Variants in SPATA6 observed in about 807,000 individuals in gnomAD.
The protein encoded by SPATA6 is spermatogenesis associated 6.
Under a neutral mutation model 65.3 loss-of-function variants are expected in SPATA6, and 56 were observed. That is an observed-to-expected ratio of 0.86 (90% CI 0.69 to 1.07). The LOEUF (loss-of-function observed/expected upper bound fraction) is 1.07, where lower values mean the gene tolerates loss of function less well. Among genes scored for constraint, SPATA6 ranks in the 50% least tolerant of loss-of-function variants. The pLI is 0.00. For synonymous variants in SPATA6, 199 were observed against 213.2 expected (o/e 0.93, Z 0.58); for missense variants, 590 against 594.8 (o/e 0.99, Z 0.08).
the SPATA6 span, among the ~76,000 whole-genome samples, chr1:48,279,904 T>G: frequency 6.6e-6 from 1 of 152,116 alleles, no homozygotes; most frequent in South Asian, 2.1e-4. Context: ...ACACCACACC[T>G]ATTCCAAAAC....
chr1:48,298,944 G>GATAGTACTCAATAAATATTTGATTTAC, intron 12 of SPATA6, 51 bp from the exon 13 acceptor site: 1 of 1,551,886 alleles, frequency 6.4e-7, no homozygotes, highest in Non-Finnish European at 8.8e-7. Flanking sequence ...CAAAATTAGA[G>GATAGTACTCAATAAATATTTGATTTAC]ATAGTACTAT....
chr1:48,392,279 A>C (rs1410371230), intron 8 of SPATA6, among the ~76,000 whole-genome samples: 2 of 152,128 alleles, frequency 1.3e-5, no homozygotes, highest in African/African-American at 2.4e-5. Flanking sequence ...GTTTCCTCTA[A>C]GAGGAGAGAC....
At chr1:48,414,105 T>C (rs1570496114) in intron 3 of SPATA6, among the ~76,000 whole-genome samples, 3 of 152,158 alleles carry the variant, frequency 2.0e-5, no homozygotes, top group Admixed American at 6.5e-5. Flanking sequence ...TAGTGAAACT[T>C]TGTGTGGGTC....
chr1:48,393,957 C>T (rs544651098), intron 8 of SPATA6, among the ~76,000 whole-genome samples: 1 of 152,116 alleles, frequency 6.6e-6, no homozygotes, highest in East Asian at 1.9e-4. Context: ...ATATTAGGGG[C>T]TAGGGCTTCA....
the SPATA6 span, among the ~76,000 whole-genome samples, chr1:48,287,401 CTATAT>C: frequency 6.6e-6 from 1 of 152,190 alleles, no homozygotes; most frequent in African/African-American, 2.4e-5. Flanking sequence ...CACATCCAAA[CTATAT>C]TATGTTTTCA....
In SPATA6 at chr1:48,297,900, C is replaced by G. The variant is rs1016968078; in HGVS notation, c.*813G>C. The G allele has an allele frequency of 1.3e-5, 2 of 151,660 alleles. No homozygotes were observed. Among genetic ancestry groups the G allele is most frequent in the Non-Finnish European group, 2.9e-5 (2 of 67,972 alleles). 9.4% of individuals were successfully genotyped at this position (151,660 alleles called of 1,614,324 possible). A position where few individuals can be genotyped will look rare whatever the true frequency, so the allele number is the denominator to read the frequency against. ...GGGCCATATGGTACTTACACAAATT[C>G]CAAGCAGTCAAATTACAATATAATT... On this transcript the variant is annotated 3_prime_UTR_variant, in exon 13 of 13. Transcript: ENST00000371847.
At chr1:48,266,965 T>G in the SPATA6 span, among the ~76,000 whole-genome samples, 1 of 152,210 alleles carries the variant, frequency 6.6e-6, no homozygotes, top group Non-Finnish European at 1.5e-5. Flanking sequence ...AGTGATAGAT[T>G]CCTTTTCAAT....
intron 1 of SPATA6, among the ~76,000 whole-genome samples, chr1:48,467,355 A>G (rs1372317874): frequency 6.6e-6 from 1 of 152,174 alleles, no homozygotes; most frequent in Non-Finnish European, 1.5e-5. Flanking sequence ...ACAGGCAATC[A>G]AAGATAACAC....
chr1:48,332,178 C>G (rs958234495), intron 11 of SPATA6, among the ~76,000 whole-genome samples: 2 of 152,178 alleles, frequency 1.3e-5, no homozygotes, highest in Non-Finnish European at 2.9e-5. Context: ...ACAAACAAGT[C>G]TAGCATAACA....
intron 1 of SPATA6, among the ~76,000 whole-genome samples, chr1:48,466,346 T>C (rs1449018015): frequency 2.6e-5 from 4 of 152,058 alleles, no homozygotes; most frequent in Non-Finnish European, 4.4e-5. Flanking sequence ...AAAAAGCAGG[T>C]TGCAGAAGGA....
intron 11 of SPATA6, among the ~76,000 whole-genome samples, chr1:48,349,524 A>G (rs1288698804): frequency 2.0e-5 from 3 of 151,920 alleles, no homozygotes; most frequent in Non-Finnish European, 4.4e-5. Context: ...ATTTTCATAT[A>G]GTAAAGTTAA....
chr1:48,436,623 G>C lies in SPATA6; in HGVS notation c.238+14929C>G, dbSNP rs991056257. Reference sequence around the variant, plus strand: ...AGCATGGACAGAGGCATAGGGCTGTGTATGATTTCCCACAGTTCAGCACAT... The same window carrying C: ...AGCATGGACAGAGGCATAGGGCTGTCTATGATTTCCCACAGTTCAGCACAT... On this transcript the variant is annotated intron_variant, in intron 3 of 12. Coordinates refer to ENST00000371847, the MANE Select transcript of SPATA6 (RefSeq NM_019073.4). 3.2e-5 allele frequency: 51 copies of C among 1,613,952 alleles called. No individual in the cohort carries two copies. In the Middle Eastern group the frequency reaches 1.2e-3, roughly 37 times the overall value.
chr1:48,424,949 A>G (rs2148033125), intron 3 of SPATA6, among the ~76,000 whole-genome samples: 1 of 152,124 alleles, frequency 6.6e-6, no homozygotes, highest in African/African-American at 2.4e-5. Context: ...TTGTCTCTTC[A>G]CTTTGCTGTT....
chr1:48,281,383 G>A, the SPATA6 span, among the ~76,000 whole-genome samples: 3 of 152,072 alleles, frequency 2.0e-5, no homozygotes, highest in Admixed American at 6.5e-5. Flanking sequence ...AGGAAAAGAG[G>A]AAGTCAAATT....
intron 3 of SPATA6, among the ~76,000 whole-genome samples, chr1:48,444,576 C>A (rs1039082829): frequency 3.3e-5 from 5 of 152,130 alleles, no homozygotes. Context: ...GTAAAATGGA[C>A]CAATCAGCAC....
intron 9 of SPATA6, among the ~76,000 whole-genome samples, chr1:48,363,972 C>T (rs1379024344): frequency 2.0e-5 from 3 of 151,832 alleles, no homozygotes; most frequent in Admixed American, 6.6e-5. Context: ...TCACAACAGT[C>T]CCCAGAGTGT....
intron 7 of SPATA6, among the ~76,000 whole-genome samples, chr1:48,397,614 T>C (rs1231219548): frequency 6.6e-6 from 1 of 151,724 alleles, no homozygotes; most frequent in East Asian, 1.9e-4. Flanking sequence ...GTGTTACATT[T>C]TGCATATGCA....
chr1:48,346,717 C>T (rs536943488), intron 11 of SPATA6, among the ~76,000 whole-genome samples: 5 of 152,016 alleles, frequency 3.3e-5, no homozygotes, highest in African/African-American at 1.2e-4. Flanking sequence ...CCCTTCACAA[C>T]TGCCACAAAA....
chr1:48,448,716 G>A (rs1249719280), intron 3 of SPATA6, among the ~76,000 whole-genome samples: 1 of 152,084 alleles, frequency 6.6e-6, no homozygotes, highest in East Asian at 1.9e-4. Context: ...AAAAAGGAAT[G>A]AACTACTTAG....
Sources: gnomAD v4.1 joint callset for allele counts (sites outside exome capture counted in the v4.1 genomes callset) on GRCh38, gnomAD v4.1.1 for gene constraint, MANE v1.5 for transcripts, NCBI Gene and HGNC (gene_info 2026-07-23, HGNC 2026-07-21) for gene names.